SEL1L: variants seen among roughly 807,000 people sequenced by gnomAD.
The protein encoded by SEL1L is protein sel-1 homolog 1.
SEL1L carries 52 observed loss-of-function variants against 109.8 expected under a neutral mutation model. The observed-to-expected ratio is 0.47, with a 90% CI of 0.38 to 0.60. The LOEUF is 0.60. SEL1L is among the 20% of genes least tolerant of loss of function. The probability of loss-of-function intolerance (pLI) is 0.00; values close to 1 mark genes in which losing one functional copy is unlikely to be tolerated. For synonymous variants in SEL1L, 373 were observed against 339.6 expected (o/e 1.10, Z -1.08); for missense variants, 749 against 962.2 (o/e 0.78, Z 2.93).
At chr14:81,505,184 TTAAC>T (rs1336508624) in intron 4 of SEL1L, among the ~76,000 whole-genome samples, 1 of 152,234 alleles carries the variant, frequency 6.6e-6, no homozygotes, top group Non-Finnish European at 1.5e-5. Flanking sequence ...AAATATTTGA[TTAAC>T]TATATAATAC....
rs965462985 is a variant in SEL1L at position 81,505,349 on chromosome 14, T to C, written c.508+725A>G. Among the ~76,000 whole-genome samples, 13 of 152,300 alleles carry C rather than the reference T, an allele frequency of 8.5e-5. No homozygotes were observed. In the South Asian group the frequency reaches 2.5e-3, roughly 29 times the overall value. On this transcript the variant is annotated intron_variant, in intron 4 of 20. Coordinates refer to ENST00000336735, the MANE Select transcript of SEL1L (RefSeq NM_005065.6). Reference sequence around the variant, plus strand: ...CTGTAAGAACTCATCAAAACAAACATTTCATTAGAACCAGTATTTATAGAA... The same window carrying C: ...CTGTAAGAACTCATCAAAACAAACACTTCATTAGAACCAGTATTTATAGAA...
In SEL1L at chr14:81,490,478, T is replaced by C. The variant is rs758096875; in HGVS notation, c.1255-13A>G. Reference sequence around the variant, plus strand: ...CTTCCGAATACATCTGGAAAACAGATCCCAATTTCAGTAAGAGCTGTAACC... The same window carrying C: ...CTTCCGAATACATCTGGAAAACAGACCCCAATTTCAGTAAGAGCTGTAACC... On this transcript the variant is annotated splice_polypyrimidine_tract_variant and intron_variant, in intron 12 of 20. Coordinates refer to ENST00000336735, the MANE Select transcript of SEL1L (RefSeq NM_005065.6). 6.2e-7 allele frequency: 1 copy of C among 1,603,472 alleles called. No homozygotes were observed. The highest frequency in any genetic ancestry group is 8.5e-7 in the Non-Finnish European group (1 of 1,170,506).
chr14:81,527,674 C>T, intron 2 of SEL1L, 27 bp downstream of exon 2: 2 of 1,537,754 alleles, frequency 1.3e-6, no homozygotes, highest in Non-Finnish European at 1.8e-6. Context: ...GCAGCAAATA[C>T]TGGCCAATAC....
At chr14:81,496,654 C>T (rs949682078) in intron 10 of SEL1L, among the ~76,000 whole-genome samples, 9 of 152,074 alleles carry the variant, frequency 5.9e-5, no homozygotes, top group South Asian at 4.1e-4. Flanking sequence ...GCACAAGAAT[C>T]GCTTGAACCC....
rs1885130081 is a variant in SEL1L, at chr14:81,526,791, T to C, written c.282A>G (p.Leu94=). ...CCTTGTTTTCTGGATTTGGAGACTCTAGAAAGCTGATATCTTCTGTGACAC... is the reference window on the plus strand; with the variant it reads ...CCTTGTTTTCTGGATTTGGAGACTCCAGAAAGCTGATATCTTCTGTGACAC... ...GESVTEDISF[L]ESPNPENKDY... is the part of the protein sequence containing the mutation. The change falls in exon 3 of 21, where the codon CTA becomes CTG. Residue 94 remains leucine, a synonymous_variant. Transcript: ENST00000336735. 2 of 1,608,950 alleles carry C rather than the reference T, an allele frequency of 1.2e-6. No homozygotes were observed. The highest frequency in any genetic ancestry group is 3.4e-5 in the Admixed American group (2 of 58,770).
intron 14 of SEL1L, 149 bp from the exon 15 acceptor site, chr14:81,488,091 T>C (rs892196978): frequency 5.1e-6 from 3 of 587,430 alleles, no homozygotes; most frequent in South Asian, 2.3e-5. Context: ...TTATAATAGA[T>C]AATAATATAC....
At position 81,533,656 on chromosome 14, in the gene SEL1L, C is replaced by T. The variant is rs373270672; in HGVS notation, c.70+19G>A. On this transcript the variant is annotated intron_variant, in intron 1 of 20. Coordinates refer to ENST00000336735, the MANE Select transcript of SEL1L (RefSeq NM_005065.6). The stretch of plus-strand genomic sequence containing the variant: ...GGGCGGAGGCTCTGGGCCTTCAGCC[C>T]GAGGGGGCGGATACTGACCCGAGGA... 44 of 1,610,410 alleles carry T rather than the reference C, an allele frequency of 2.7e-5. No homozygotes were observed. In the African/African-American group the frequency reaches 5.1e-4, roughly 19 times the overall value.
In SEL1L at chr14:81,497,942, A is replaced by C. The variant is rs375212202; in HGVS notation, c.1078T>G (p.Leu360Val). Residue 360 changes from leucine to valine, a missense_variant, in exon 10 of 21, where the codon TTG (leucine) becomes GTG (valine). Leu to Val is a conservative substitution (Grantham distance 32). Transcript: ENST00000336735. The part of the protein sequence containing the change: ...GMNSGMLEED[L>V]IQYYQFLAEK... ...GCTAGGAACTGGTAATATTGAATCA[A>C]ATCTTCTTCTAGCATTCCACTGTTC... is the stretch of plus-strand genomic sequence containing the variant. The C allele has an allele frequency of 1.9e-6, 3 of 1,614,032 alleles. No homozygotes were observed. The African/African-American group carries it at 4.0e-5, about 22-fold the overall frequency.
intron 1 of SEL1L, among the ~76,000 whole-genome samples, chr14:81,533,265 C>G (rs1007721268): frequency 8.5e-5 from 13 of 152,304 alleles, no homozygotes; most frequent in East Asian, 1.9e-4. Context: ...TCCTCTGCCC[C>G]AAAGTGACAG....
chr14:81,507,162 T>C (rs1229362489), intron 3 of SEL1L, among the ~76,000 whole-genome samples: 1 of 152,186 alleles, frequency 6.6e-6, no homozygotes, highest in African/African-American at 2.4e-5. Flanking sequence ...GGGAAGACCT[T>C]ACATGTCTTA....
intron 20 of SEL1L, among the ~76,000 whole-genome samples, chr14:81,479,017 A>G (rs1010474008): frequency 1.3e-5 from 2 of 152,212 alleles, no homozygotes; most frequent in Non-Finnish European, 2.9e-5. Context: ...GAAACAAAAT[A>G]TAAAGCTGGC....
At chr14:81,483,702 C>G (rs1903430159) in intron 19 of SEL1L, among the ~76,000 whole-genome samples, 1 of 152,098 alleles carries the variant, frequency 6.6e-6, no homozygotes, top group South Asian at 2.1e-4. Context: ...ATAGCTGGAA[C>G]TTAGACCCTT....
chr14:81,516,577 C>T (rs887467867), intron 3 of SEL1L, among the ~76,000 whole-genome samples: 8 of 152,100 alleles, frequency 5.3e-5, no homozygotes, highest in African/African-American at 1.7e-4. Context: ...GAACAAATTC[C>T]GGACACGCCA....
intron 20 of SEL1L, 146 bp from the exon 21 acceptor site, chr14:81,477,327 G>GTGTGTGTGTGTA: frequency 3.1e-6 from 2 of 644,496 alleles, no homozygotes; most frequent in South Asian, 4.1e-5. Context: ...GTGTGTGTGT[G>GTGTGTGTGTGTA]TGTGTGTGTT....
At chr14:81,495,579 A>C (rs563021354) in intron 10 of SEL1L, among the ~76,000 whole-genome samples, 2 of 152,256 alleles carry the variant, frequency 1.3e-5, no homozygotes, top group African/African-American at 4.8e-5. Context: ...TCGAGGCTGC[A>C]GTGAGCTGTG....
chr14:81,500,666 T>C (rs1447772411), intron 6 of SEL1L, among the ~76,000 whole-genome samples: 1 of 152,186 alleles, frequency 6.6e-6, no homozygotes, highest in Admixed American at 6.5e-5. Flanking sequence ...ACTCCCGCTA[T>C]AGGTACATCA....
chr14:81,505,584 T>A (rs1281020655), intron 4 of SEL1L, among the ~76,000 whole-genome samples: 1 of 152,196 alleles, frequency 6.6e-6, no homozygotes, highest in African/African-American at 2.4e-5. Context: ...GTTAGGAAGT[T>A]TTTCCTGAAA....
At chr14:81,495,011 C>G in intron 11 of SEL1L, 70 bp downstream of exon 11, 1 of 1,467,386 alleles carries the variant, frequency 6.8e-7, no homozygotes, top group Non-Finnish European at 9.4e-7. Flanking sequence ...ATTGACTTAG[C>G]AAGAAATACA....
intron 18 of SEL1L, 83 bp from the exon 19 acceptor site, chr14:81,484,480 T>A (rs982722423): frequency 1.6e-6 from 2 of 1,270,906 alleles, no homozygotes; most frequent in African/African-American, 3.0e-5. Context: ...CCCATTGACA[T>A]GCTTACATAA....
Sources: gnomAD v4.1 joint callset for allele counts (sites outside exome capture counted in the v4.1 genomes callset) on GRCh38, gnomAD v4.1.1 for gene constraint, MANE v1.5 for transcripts, NCBI Gene and HGNC (gene_info 2026-07-23, HGNC 2026-07-21) for gene names.